The following MACROD2 variants were observed in gnomAD, a reference collection of about 807,000 sequenced individuals.
MACROD2 encodes ADP-ribose glycohydrolase MACROD2.
MACROD2 carries 36 observed loss-of-function variants against 70.4 expected under a neutral mutation model. The observed-to-expected ratio is 0.51, with a 90% CI of 0.39 to 0.68. MACROD2 has a LOEUF of 0.68. Among genes scored for constraint, MACROD2 ranks in the 30% least tolerant of loss-of-function variants. MACROD2 has a pLI of 0.00. For synonymous variants in MACROD2, 172 were observed against 178.8 expected (o/e 0.96, Z 0.30); for missense variants, 496 against 538.4 (o/e 0.92, Z 0.78).
At chr20:15,930,985 A>C (rs6131740) in intron 10 of MACROD2, among the ~76,000 whole-genome samples, 6,067 of 152,292 alleles carry the variant, frequency 0.04, 281 homozygotes, top group East Asian at 0.23. Flanking sequence ...TGGTAACCAG[A>C]GTACTTTCAA....
In MACROD2 at chr20:14,789,493, G is replaced by A. The variant is rs956317694; in HGVS notation, c.418+104534G>A. ...TTTTTTTTTTTTTTTTTTTTTTTTT[G>A]AGATGGAGTTTCACTGTTGTTGCCC... is the stretch of plus-strand genomic sequence containing the variant. On this transcript the variant is annotated intron_variant, in intron 5 of 17. Transcript: ENST00000684519. 7.0e-4 allele frequency among the ~76,000 whole-genome samples: 3 copies of A among 4,302 alleles called. No homozygotes were observed. The East Asian group carries it at 0.018, about 26-fold the overall frequency. 2.8% of individuals were successfully genotyped at this position (4,302 alleles called of 152,430 possible).
At chr20:15,346,468 G>A (rs1600271681) in intron 6 of MACROD2, among the ~76,000 whole-genome samples, 1 of 152,134 alleles carries the variant, frequency 6.6e-6, no homozygotes, top group East Asian at 1.9e-4. Context: ...ACAGTGAACA[G>A]CAGCGAAGTT....
intron 5 of MACROD2, among the ~76,000 whole-genome samples, chr20:14,921,363 T>G (rs2074161175): frequency 6.6e-6 from 1 of 152,190 alleles, no homozygotes; most frequent in Non-Finnish European, 1.5e-5. Context: ...TTTATAGCCG[T>G]CTTTGCCTGA....
intron 10 of MACROD2, among the ~76,000 whole-genome samples, chr20:15,924,195 G>T (rs1220116908): frequency 6.6e-6 from 1 of 152,216 alleles, no homozygotes; most frequent in African/African-American, 2.4e-5. Flanking sequence ...GTATTTTAAA[G>T]GAAGAAAGTG....
intron 5 of MACROD2, among the ~76,000 whole-genome samples, chr20:15,178,029 A>G (rs764430766): frequency 5.5e-4 from 83 of 152,172 alleles, no homozygotes; most frequent in Non-Finnish European, 9.4e-4. Context: ...TGGGATTTCT[A>G]TATGGGTACA....
intron 8 of MACROD2, among the ~76,000 whole-genome samples, chr20:15,794,266 T>C (rs111455487): frequency 5.3e-4 from 81 of 152,330 alleles, no homozygotes; most frequent in African/African-American, 1.8e-3. Flanking sequence ...TCCTGTAATC[T>C]TCTCTTGCTA....
chr20:14,242,564 A>C (rs1485861543), intron 3 of MACROD2, among the ~76,000 whole-genome samples: 1 of 152,176 alleles, frequency 6.6e-6, no homozygotes, highest in Non-Finnish European at 1.5e-5. Context: ...ATTTATTTGA[A>C]TTTTTAAATT....
intron 8 of MACROD2, among the ~76,000 whole-genome samples, chr20:15,583,256 ACTT>A (rs374003880): frequency 1.3e-5 from 2 of 152,264 alleles, no homozygotes; most frequent in African/African-American, 4.8e-5. Flanking sequence ...TATCTCTACA[ACTT>A]CTTAGCTTAG....
At chr20:14,053,572 G>C (rs1458827242) in intron 2 of MACROD2, 1 of 152,114 alleles carries the variant, frequency 6.6e-6, no homozygotes, top group Admixed American at 6.5e-5. Context: ...AAAAAGTACA[G>C]TGTGTTTATC....
chr20:14,787,609 G>A (rs1392539795), intron 5 of MACROD2, among the ~76,000 whole-genome samples: 1 of 152,112 alleles, frequency 6.6e-6, no homozygotes. Context: ...AGTAGTAACT[G>A]AAGCTGTCTG....
intron 8 of MACROD2, among the ~76,000 whole-genome samples, chr20:15,753,202 C>G (rs6110769): frequency 0.78 from 118,688 of 152,142 alleles, 47,315 homozygotes; most frequent in African/African-American, 0.94. Context: ...ATGATGCTGA[C>G]GTCTGGGATA....
intron 6 of MACROD2, among the ~76,000 whole-genome samples, chr20:15,234,013 T>A (rs1311055786): frequency 1.0e-3 from 9 of 8,656 alleles, no homozygotes; most frequent in African/African-American, 1.9e-3. Context: ...ATATATATTC[T>A]TTTTTTTTTT....
intron 8 of MACROD2, among the ~76,000 whole-genome samples, chr20:15,611,933 C>G (rs1441772892): frequency 1.3e-5 from 2 of 148,708 alleles, no homozygotes; most frequent in Admixed American, 6.8e-5. Flanking sequence ...CCTTTTAATG[C>G]AGGTCAGGGC....
At chr20:14,424,538 G>A (rs543957139) in intron 3 of MACROD2, among the ~76,000 whole-genome samples, 1 of 152,278 alleles carries the variant, frequency 6.6e-6, no homozygotes, top group Non-Finnish European at 1.5e-5. Context: ...CAGACATGAA[G>A]GGTGATTGTC....
At chr20:14,026,166 C>G (rs771495569) in intron 2 of MACROD2, among the ~76,000 whole-genome samples, 1 of 152,076 alleles carries the variant, frequency 6.6e-6, no homozygotes, top group Non-Finnish European at 1.5e-5. Flanking sequence ...AGGATTGCAA[C>G]CCCTGTTTTA....
At position 14,960,770 on chromosome 20, in the gene MACROD2, T is replaced by C. The variant is rs562751719; in HGVS notation, c.419-269170T>C. On this transcript the variant is annotated intron_variant, in intron 5 of 17. Coordinates refer to ENST00000684519, the MANE Select transcript of MACROD2 (RefSeq NM_001351661.2). ...GCATCTTATACATGGAACTTTTTTT[T>C]TTCCTTTGGAAGGGGGGCTTCTTCT... is the stretch of plus-strand genomic sequence containing the variant. 6.6e-5 allele frequency among the ~76,000 whole-genome samples: 10 copies of C among 152,296 alleles called. 1 individual carries two copies. The South Asian group carries it at 2.1e-3, about 32-fold the overall frequency.
chr20:14,768,733 C>T (rs184085878), intron 5 of MACROD2, among the ~76,000 whole-genome samples: 15 of 152,162 alleles, frequency 9.9e-5, no homozygotes, highest in East Asian at 9.7e-4. Flanking sequence ...TCTCCTTCCT[C>T]AGCCTCCCAT....
Position 14,402,995 on chromosome 20 carries a change from C to CA in MACROD2, c.272-90480dup, listed in dbSNP as rs2083654294. Among the ~76,000 whole-genome samples, 3 of 152,040 alleles carry CA rather than the reference C, an allele frequency of 2.0e-5. No homozygotes were observed. In the South Asian group the frequency reaches 6.2e-4, roughly 32 times the overall value. On this transcript the variant is annotated intron_variant, in intron 3 of 17. Transcript: ENST00000684519. Reference sequence around the variant, plus strand: ...CAAAATATCTCGTGTATAAACACTTCAAAATCTAGAACTCATATTTCATTA... The same window carrying CA: ...CAAAATATCTCGTGTATAAACACTTCAAAAATCTAGAACTCATATTTCATTA...
At chr20:15,217,265 C>T (rs1374576383) in intron 5 of MACROD2, among the ~76,000 whole-genome samples, 2 of 152,110 alleles carry the variant, frequency 1.3e-5, no homozygotes, top group African/African-American at 4.8e-5. Flanking sequence ...GTAAATGCAA[C>T]TACGTAGAAG....
Sources: allele counts gnomAD v4.1 joint callset (sites outside exome capture counted in the v4.1 genomes callset), GRCh38; gene constraint gnomAD v4.1.1; transcripts MANE v1.5; gene names NCBI Gene and HGNC (gene_info 2026-07-23, HGNC 2026-07-21).